The following SDK1 variants were observed in gnomAD, a reference collection of about 807,000 sequenced individuals.
The protein encoded by SDK1 is sidekick cell adhesion molecule 1.
Under a neutral mutation model 245.5 loss-of-function variants are expected in SDK1, and 157 were observed. The ratio of observed to expected loss-of-function variants is 0.64; its 90% CI spans 0.56 to 0.73. The LOEUF (loss-of-function observed/expected upper bound fraction) is 0.73. Among genes scored for constraint, SDK1 ranks in the 30% least tolerant of loss-of-function variants. The probability of loss-of-function intolerance (pLI) is 0.00; values close to 1 mark genes in which losing one functional copy is unlikely to be tolerated. For synonymous variants in SDK1, 1,647 were observed against 1,278.5 expected (o/e 1.29, Z -6.15); for missense variants, 3,583 against 3,002.3 (o/e 1.19, Z -4.52).
intron 1 of SDK1, among the ~76,000 whole-genome samples, chr7:3,434,275 A>G (rs1290522280): frequency 6.6e-6 from 1 of 152,188 alleles, no homozygotes; most frequent in Non-Finnish European, 1.5e-5. Flanking sequence ...ATGCAGATGA[A>G]TATGTCAACA....
intron 2 of SDK1, among the ~76,000 whole-genome samples, chr7:3,620,247 T>G (rs1781894396): frequency 6.6e-6 from 1 of 152,142 alleles, no homozygotes; most frequent in Non-Finnish European, 1.5e-5. Flanking sequence ...GTCAGTTGTC[T>G]GTGTGTTTGT....
intron 1 of SDK1, among the ~76,000 whole-genome samples, chr7:3,523,509 C>G (rs866992241): frequency 6.6e-6 from 1 of 152,074 alleles, no homozygotes; most frequent in Non-Finnish European, 1.5e-5. Context: ...GCCTGGTGAA[C>G]GGCTGCTAAT....
rs367565775 is a variant in SDK1 at position 4,184,800 on chromosome 7, A to G, written c.5098+6214A>G. ...TGAAAGAATCATTATTAACTCCTGC[A>G]CTGGAAGAGTTGCAGAGCCTGGGAC... On this transcript the variant is annotated intron_variant, in intron 35 of 44. Transcript: ENST00000404826. Among the ~76,000 whole-genome samples, 436 of 152,338 alleles carry G rather than the reference A, an allele frequency of 2.9e-3. 12 individuals are homozygous for G. In the South Asian group the frequency reaches 0.072, roughly 25 times the overall value.
chr7:4,151,791 T>G (rs940907600), intron 30 of SDK1, among the ~76,000 whole-genome samples: 8 of 152,172 alleles, frequency 5.3e-5, no homozygotes, highest in South Asian at 2.1e-4. Context: ...CACGCAGACA[T>G]TGAGGCAGAG....
chr7:3,974,259 T>C, intron 12 of SDK1, 110 bp from the exon 13 acceptor site: 1 of 822,572 alleles, frequency 1.2e-6, no homozygotes. Flanking sequence ...CAGTGGTTTT[T>C]AAAGTCCATT....
intron 4 of SDK1, among the ~76,000 whole-genome samples, chr7:3,736,988 T>G (rs897046002): frequency 6.6e-6 from 1 of 152,238 alleles, no homozygotes; most frequent in South Asian, 2.1e-4. Context: ...GAGTTGTACT[T>G]TTTTAGATTT....
chr7:3,910,194 C>T (rs1260495304), intron 5 of SDK1, among the ~76,000 whole-genome samples: 2 of 152,354 alleles, frequency 1.3e-5, no homozygotes, highest in South Asian at 2.1e-4. Context: ...TGCCTCTGTT[C>T]TCTCTGTAGT....
At chr7:4,132,949 G>A (rs1406029219) in intron 28 of SDK1, among the ~76,000 whole-genome samples, 1 of 152,104 alleles carries the variant, frequency 6.6e-6, no homozygotes, top group Non-Finnish European at 1.5e-5. Flanking sequence ...TTTTAACGTG[G>A]AATTTCTTCC....
At chr7:3,895,462 G>C (rs926398171) in intron 5 of SDK1, among the ~76,000 whole-genome samples, 4 of 152,174 alleles carry the variant, frequency 2.6e-5, no homozygotes, top group African/African-American at 9.6e-5. Flanking sequence ...AATAAAAAGG[G>C]GGAAATGTGG....
chr7:3,784,087 GT>G (rs571219734), intron 4 of SDK1, among the ~76,000 whole-genome samples: 12,044 of 139,632 alleles, frequency 0.086, 1,438 homozygotes, highest in African/African-American at 0.29. Flanking sequence ...TCTTTTCTTT[GT>G]TTTTTTTTTT....
chr7:3,924,155 A>T (rs557333647), intron 5 of SDK1, among the ~76,000 whole-genome samples: 1 of 151,606 alleles, frequency 6.6e-6, no homozygotes, highest in South Asian at 2.1e-4. Flanking sequence ...TGTTGTAACC[A>T]TCCAGGTGGG....
rs769407142 is a variant in SDK1 at position 4,051,829 on chromosome 7, CAGTG to C, written c.2911+3_2911+6del. On this transcript the variant is annotated splice_donor_variant and splice_donor_region_variant and coding_sequence_variant and intron_variant, in exon 19 of 45. Transcript: ENST00000404826. LOFTEE classifies it high-confidence loss of function. The stretch of plus-strand genomic sequence containing the variant: ...CTCAGCTGGTCTGGACTCAGGAAGA[CAGTG>C]AGTATTCCTTTCTGCGTGTCTCTTA... 3 of 1,607,840 alleles carry C rather than the reference CAGTG, an allele frequency of 1.9e-6. No homozygotes were observed. Among genetic ancestry groups the C allele is most frequent in the South Asian group, 1.1e-5 (1 of 90,512 alleles).
chr7:3,988,334 C>T (rs1784036715), intron 14 of SDK1, among the ~76,000 whole-genome samples: 1 of 151,814 alleles, frequency 6.6e-6, no homozygotes, highest in South Asian at 2.1e-4. Context: ...TCCCTTTCCT[C>T]TCTGCCTCAG....
chr7:3,571,904 G>A (rs544351516), intron 1 of SDK1, among the ~76,000 whole-genome samples: 11 of 151,934 alleles, frequency 7.2e-5, no homozygotes, highest in Non-Finnish European at 1.0e-4. Flanking sequence ...CCCTTAAAAA[G>A]CCATCACTCA....
intron 5 of SDK1, among the ~76,000 whole-genome samples, chr7:3,856,261 A>G (rs1309779418): frequency 6.6e-6 from 1 of 152,168 alleles, no homozygotes; most frequent in Non-Finnish European, 1.5e-5. Context: ...AACTGAATTC[A>G]TGACTTCCAA....
chr7:4,122,348 G>T (rs1252680131), intron 25 of SDK1, among the ~76,000 whole-genome samples: 1 of 152,142 alleles, frequency 6.6e-6, no homozygotes, highest in Non-Finnish European at 1.5e-5. Context: ...GAGGTGAAGG[G>T]GTTGCCAGGG....
intron 17 of SDK1, among the ~76,000 whole-genome samples, chr7:4,040,652 T>C (rs1788560490): frequency 6.6e-6 from 1 of 152,148 alleles, no homozygotes; most frequent in African/African-American, 2.4e-5. Flanking sequence ...GCATGAAAGA[T>C]TGGTCAGACC....
intron 1 of SDK1, among the ~76,000 whole-genome samples, chr7:3,571,296 C>T (rs1023133572): frequency 6.6e-6 from 1 of 151,862 alleles, no homozygotes; most frequent in Non-Finnish European, 1.5e-5. Flanking sequence ...AAGAGAGCAG[C>T]TTTTTAATTT....
chr7:3,643,530 T>G (rs1050164258), intron 4 of SDK1: 3 of 147,488 alleles, frequency 2.0e-5, no homozygotes, highest in Non-Finnish European at 4.5e-5. Flanking sequence ...AACCTCGTGA[T>G]TCTTGTCTCC....
Sources: allele counts gnomAD v4.1 joint callset (sites outside exome capture counted in the v4.1 genomes callset), GRCh38; gene constraint gnomAD v4.1.1; transcripts MANE v1.5; gene names NCBI Gene and HGNC (gene_info 2026-07-23, HGNC 2026-07-21).